ANKRD44: variants seen among roughly 807,000 people sequenced by gnomAD.
The protein encoded by ANKRD44 is serine/threonine-protein phosphatase 6 regulatory ankyrin repeat subunit B.
ANKRD44 carries 35 observed loss-of-function variants against 116.0 expected under a neutral mutation model. The ratio of observed to expected loss-of-function variants is 0.30; its 90% confidence interval spans 0.23 to 0.40. ANKRD44 has a LOEUF of 0.40. Ranked by LOEUF, ANKRD44 falls within the 10% of genes least tolerant of loss-of-function variation. The probability of loss-of-function intolerance (pLI) is 1.00; values close to 1 mark genes in which losing one functional copy is unlikely to be tolerated. For missense variants in ANKRD44, 1,014 were observed against 1,242.6 expected (o/e 0.82, Z 2.77); for synonymous variants, 435 against 461.8 (o/e 0.94, Z 0.74).
At chr2:197,186,500 TG>T (rs1291368656) in intron 2 of ANKRD44, among the ~76,000 whole-genome samples, 1 of 151,944 alleles carries the variant, frequency 6.6e-6, no homozygotes, top group African/African-American at 2.4e-5. Context: ...GGTCTTACTC[TG>T]TCAACCAGGC....
intron 1 of ANKRD44, among the ~76,000 whole-genome samples, chr2:197,239,663 G>A (rs983427542): frequency 1.3e-5 from 2 of 152,176 alleles, no homozygotes; most frequent in African/African-American, 2.4e-5. Context: ...GTTCTGCAAC[G>A]TGTCTTGGTT....
intron 1 of ANKRD44, among the ~76,000 whole-genome samples, chr2:197,204,368 ATTG>A (rs937274921): frequency 2.6e-5 from 4 of 152,146 alleles, no homozygotes; most frequent in African/African-American, 7.2e-5. Flanking sequence ...GTTTATTATT[ATTG>A]TTAACTATCA....
chr2:197,044,732 C>T (rs558959056), intron 16 of ANKRD44, among the ~76,000 whole-genome samples: 1 of 152,220 alleles, frequency 6.6e-6, no homozygotes, highest in African/African-American at 2.4e-5. Flanking sequence ...ATTCTAACAA[C>T]ACACCAAGCA....
intron 14 of ANKRD44, 64 bp downstream of exon 14, chr2:197,083,305 G>A: frequency 6.6e-7 from 1 of 1,521,120 alleles, no homozygotes; most frequent in South Asian, 1.3e-5. Context: ...AGAAAACTTA[G>A]CAATCCTTCC....
At position 196,976,293 on chromosome 2, in the gene ANKRD44, C is replaced by T. The variant is rs556385845; in HGVS notation, c.2369-8847G>A. Among the ~76,000 whole-genome samples, 9 of 152,086 alleles carry T rather than the reference C, an allele frequency of 5.9e-5. 1 individual carries two copies. Among genetic ancestry groups the T allele is most frequent in the South Asian group, 2.1e-4 (1 of 4,804 alleles). ...CTGGGACTACAGGCACCAGCCACCA[C>T]GCCTGGCTAATTTTTTGTATTTTTA... is the stretch of plus-strand genomic sequence containing the variant. On this transcript the variant is annotated intron_variant, in intron 21 of 21. Transcript: ENST00000424317.
At chr2:197,178,895 C>T (rs2080434612) in intron 2 of ANKRD44, among the ~76,000 whole-genome samples, 1 of 151,980 alleles carries the variant, frequency 6.6e-6, no homozygotes, top group Non-Finnish European at 1.5e-5. Context: ...TAATCCATTC[C>T]AGCCCCAGTG....
intron 1 of ANKRD44, among the ~76,000 whole-genome samples, chr2:197,223,692 G>A (rs1271060379): frequency 3.9e-5 from 6 of 152,158 alleles, no homozygotes. Context: ...ATTGTGGGGT[G>A]TGCACAGCTT....
intron 4 of ANKRD44, chr2:197,135,432 G>T (rs1425846087): frequency 2.6e-5 from 4 of 152,244 alleles, no homozygotes; most frequent in African/African-American, 9.7e-5. Context: ...ATTCACCAGG[G>T]TTCCCTGCCA....
chr2:197,291,844 C>A lies in ANKRD44; in HGVS notation c.27+18734G>T, dbSNP rs10176738. On this transcript the variant is annotated intron_variant, in intron 1 of 27. Transcript: ENST00000282272. ...CCCCATCCCACCACCCCACGACAGG[C>A]CCCAGTGTGTGATGTTCCCTGCTCT... 6.1e-3 allele frequency among the ~76,000 whole-genome samples: 923 copies of A among 152,254 alleles called. 14 individuals are homozygous for A. The highest frequency in any genetic ancestry group is 0.021 in the African/African-American group (869 of 41,554).
At chr2:197,196,542 T>C (rs2080952864) in intron 1 of ANKRD44, among the ~76,000 whole-genome samples, 2 of 152,180 alleles carry the variant, frequency 1.3e-5, no homozygotes, top group Non-Finnish European at 2.9e-5. Flanking sequence ...AATAAAGCAA[T>C]TCAAGTGTCC....
chr2:197,014,843 T>A (rs948490693), intron 17 of ANKRD44: 1 of 151,132 alleles, frequency 6.6e-6, no homozygotes, highest in African/African-American at 2.4e-5. Flanking sequence ...ACTAAAAGTC[T>A]GAAAGATAAT....
intron 16 of ANKRD44, chr2:197,077,748 T>C (rs1040455407): frequency 6.6e-6 from 1 of 152,222 alleles, no homozygotes; most frequent in Non-Finnish European, 1.5e-5. Flanking sequence ...ACCAATTATA[T>C]TGATAATCCG....
chr2:197,019,181 G>A (rs1025114766), intron 17 of ANKRD44, among the ~76,000 whole-genome samples: 39 of 152,152 alleles, frequency 2.6e-4, no homozygotes, highest in South Asian at 2.1e-4. Context: ...TGGCTTGAGC[G>A]GAGCTATGAA....
intron 16 of ANKRD44, among the ~76,000 whole-genome samples, chr2:197,054,787 A>T (rs940546875): frequency 2.0e-5 from 3 of 152,206 alleles, no homozygotes; most frequent in Admixed American, 6.5e-5. Flanking sequence ...TCTTTGGCTA[A>T]AGCACCATTT....
intron 1 of ANKRD44, 62 bp from the exon 2 acceptor site, chr2:197,187,168 C>T: frequency 1.4e-6 from 2 of 1,450,746 alleles, no homozygotes; most frequent in Non-Finnish European, 1.9e-6. Context: ...CATACAGATG[C>T]AGATGGTGAG....
intron 1 of ANKRD44, among the ~76,000 whole-genome samples, chr2:197,190,136 T>C (rs2080788101): frequency 1.3e-5 from 2 of 152,202 alleles, no homozygotes; most frequent in South Asian, 4.1e-4. Flanking sequence ...TCATTATAAC[T>C]CTTCCAATAC....
rs571281237 is a variant in ANKRD44 at position 197,201,623 on chromosome 2, T to G, written c.28-14517A>C. ...TAAATCTAGATTTGGGAATCTGCAC[T>G]GCACACCTTATGTCAAAACTCAGAG... On this transcript the variant is annotated intron_variant, in intron 1 of 27. Coordinates refer to ENST00000282272, the MANE Select transcript of ANKRD44 (RefSeq NM_001195144.2). The surrounding 1 kb of genome is among the most constrained non-coding windows in gnomAD (Gnocchi z 4.0). Among the ~76,000 whole-genome samples the G allele has an allele frequency of 9.8e-5, 15 of 152,390 alleles. No individual in the cohort carries two copies. The highest frequency in any genetic ancestry group is 2.0e-4 in the Admixed American group (3 of 15,306).
At chr2:197,001,660 A>T in intron 22 of ANKRD44, 93 bp downstream of exon 22, 2 of 831,190 alleles carry the variant, frequency 2.4e-6, no homozygotes, top group Non-Finnish European at 3.8e-6. Context: ...TCTTATCTGT[A>T]ATCTAAAAGA....
At chr2:197,098,032 T>A (rs1274274876) in intron 10 of ANKRD44, among the ~76,000 whole-genome samples, 2 of 152,186 alleles carry the variant, frequency 1.3e-5, no homozygotes, top group African/African-American at 2.4e-5. Flanking sequence ...CCTTCCTTTC[T>A]CCCATTTCTC....
Sources: allele counts gnomAD v4.1 joint callset (sites outside exome capture counted in the v4.1 genomes callset), GRCh38; gene constraint gnomAD v4.1.1; non-coding constraint Gnocchi (gnomAD v3.1); transcripts MANE v1.5; gene names NCBI Gene and HGNC (gene_info 2026-07-23, HGNC 2026-07-21).